Variants in TENM3 observed in about 807,000 individuals in gnomAD.
TENM3 encodes the protein teneurin-3.
In TENM3, 63 loss-of-function variants were observed where a neutral mutation model predicts 255.1. The ratio of observed to expected loss-of-function variants is 0.25; its 90% CI spans 0.20 to 0.30. The LOEUF (loss-of-function observed/expected upper bound fraction) is 0.30, where lower values mean the gene tolerates loss of function less well. Among genes scored for constraint, TENM3 ranks in the 10% least tolerant of loss-of-function variants. The pLI, the probability that TENM3 is intolerant of heterozygous loss-of-function variation, is 1.00. For synonymous variants in TENM3, 1,306 were observed against 1,322.3 expected, an observed-to-expected ratio of 0.99 and a Z score of 0.27; for missense variants, 2,929 against 3,461.1, an observed-to-expected ratio of 0.85 and a Z score of 3.86.
the TENM3 span, among the ~76,000 whole-genome samples, chr4:182,114,395 T>G: frequency 3.9e-5 from 6 of 152,068 alleles, no homozygotes; most frequent in Non-Finnish European, 8.8e-5. Flanking sequence ...CTCCTCTTCC[T>G]CCTCCTCCTT....
At chr4:182,162,703 T>C (rs1751437732) in intron 1 of TENM3, among the ~76,000 whole-genome samples, 1 of 152,210 alleles carries the variant, frequency 6.6e-6, no homozygotes, top group Admixed American at 6.5e-5. Context: ...CTTGCTCTGC[T>C]TCTGAGATGT....
At chr4:182,417,266 G>A (rs567923487) in intron 3 of TENM3, among the ~76,000 whole-genome samples, 287 of 152,080 alleles carry the variant, frequency 1.9e-3, no homozygotes, top group African/African-American at 6.6e-3. Flanking sequence ...GTGAGCCACC[G>A]AGCCCGGCCT....
the TENM3 span, among the ~76,000 whole-genome samples, chr4:181,885,641 G>A: frequency 6.6e-6 from 1 of 152,054 alleles, no homozygotes; most frequent in Non-Finnish European, 1.5e-5. Flanking sequence ...CACTCCCATA[G>A]CTACATGTTC....
rs1766216035 is a variant in TENM3 at position 182,792,903 on chromosome 4, T to C, written c.6231T>C (p.Tyr2077=). Residue 2077 remains tyrosine (Y), a synonymous_variant, in exon 26 of 28, where the codon TAT becomes TAC. Coordinates refer to ENST00000511685, the MANE Select transcript of TENM3 (RefSeq NM_001080477.4). This position sits in a 1 kb window ranked among gnomAD's most constrained non-coding sequence, Gnocchi z 6.3. Reference sequence around the variant, plus strand: ...TCATTTCTACAGCTGTAATGACCTATACGAAGCACTTTGATGCTCATGGCC... The same window carrying C: ...TCATTTCTACAGCTGTAATGACCTACACGAAGCACTTTGATGCTCATGGCC... ...NQIISTAVMT[Y]TKHFDAHGRI... is the part of the protein sequence containing the mutation. The C allele has an allele frequency of 6.2e-7, 1 of 1,613,952 alleles. No individual in the cohort carries two copies. The highest frequency in any genetic ancestry group is 1.3e-5 in the African/African-American group (1 of 75,052).
chr4:182,295,261 CTTTTTTTTTTTT>C (rs752005972), intron 1 of TENM3, among the ~76,000 whole-genome samples: 1,476 of 70,508 alleles, frequency 0.021, 47 homozygotes, highest in African/African-American at 0.093. Context: ...CTTTGCTTTT[CTTTTTTTTTTTT>C]TTTTTTTTTT....
At chr4:182,529,657 T>G (rs1739576046) in intron 3 of TENM3, among the ~76,000 whole-genome samples, 1 of 152,168 alleles carries the variant, frequency 6.6e-6, no homozygotes, top group South Asian at 2.1e-4. Flanking sequence ...CACTCCTTTT[T>G]CCTATCCATC....
At chr4:181,867,922 T>C in the TENM3 span, among the ~76,000 whole-genome samples, 1 of 152,140 alleles carries the variant, frequency 6.6e-6, no homozygotes, top group Non-Finnish European at 1.5e-5. Flanking sequence ...TTAATAAAAA[T>C]TGTAGATGTT....
At chr4:181,982,161 G>A in the TENM3 span, among the ~76,000 whole-genome samples, 1 of 152,156 alleles carries the variant, frequency 6.6e-6, no homozygotes, top group African/African-American at 2.4e-5. Context: ...TATCAGAGAA[G>A]TAATAGCAAA....
At chr4:182,561,164 A>G (rs1165934616) in intron 3 of TENM3, among the ~76,000 whole-genome samples, 1 of 152,042 alleles carries the variant, frequency 6.6e-6, no homozygotes, top group African/African-American at 2.4e-5. Flanking sequence ...ACAAACTAAG[A>G]CTCAAAACAT....
At chr4:182,338,886 G>T (rs1052627540) in intron 2 of TENM3, among the ~76,000 whole-genome samples, 2 of 152,280 alleles carry the variant, frequency 1.3e-5, no homozygotes, top group Middle Eastern at 3.4e-3. Flanking sequence ...TAATTTTAAA[G>T]ACTGAGATTT....
chr4:182,547,737 A>G (rs978009328), intron 3 of TENM3, among the ~76,000 whole-genome samples: 14 of 152,182 alleles, frequency 9.2e-5, no homozygotes, highest in African/African-American at 1.2e-4. Context: ...TGACTAAACT[A>G]TCTTTTTGTG....
intron 1 of TENM3, among the ~76,000 whole-genome samples, chr4:182,273,434 G>A (rs1187923582): frequency 6.6e-6 from 1 of 152,106 alleles, no homozygotes; most frequent in Admixed American, 6.5e-5. Context: ...AATTCACTTG[G>A]GGGAATTCAC....
Position 182,754,786 on chromosome 4 carries a change from C to T in TENM3, c.4419C>T (p.Ala1473=). ...DGYAKDAKLS[A]PSSLAASPDG... ...ACGCCAAGGATGCCAAACTCAGTGC[C>T]CCATCCTCCCTGGCTGCTTCTCCAG... Residue 1473 remains alanine (A), a synonymous_variant, in exon 22 of 28, where the codon GCC becomes GCT. Transcript: ENST00000511685. This position sits in a 1 kb window ranked among gnomAD's most constrained non-coding sequence, Gnocchi z 5.1. 1 of 1,614,060 alleles carries T rather than the reference C, an allele frequency of 6.2e-7. No individual in the cohort carries two copies. The highest frequency in any genetic ancestry group is 8.5e-7 in the Non-Finnish European group (1 of 1,179,904).
intron 3 of TENM3, among the ~76,000 whole-genome samples, chr4:182,532,401 G>A (rs1739863537): frequency 6.6e-6 from 1 of 152,156 alleles, no homozygotes; most frequent in Admixed American, 6.5e-5. Context: ...AACAAGAGTT[G>A]TTTTATTATT....
At chr4:182,571,152 C>T (rs989846316) in intron 3 of TENM3, among the ~76,000 whole-genome samples, 1 of 152,140 alleles carries the variant, frequency 6.6e-6, no homozygotes, top group Non-Finnish European at 1.5e-5. Context: ...CTGTCTTAGA[C>T]GTGTAAAGGC....
chr4:182,079,871 C>T, the TENM3 span: 1 of 152,332 alleles, frequency 6.6e-6, no homozygotes, highest in Non-Finnish European at 1.5e-5. Flanking sequence ...ACCTTTTACC[C>T]TCAGGCTGAG....
the TENM3 span, among the ~76,000 whole-genome samples, chr4:181,796,826 T>C: frequency 6.6e-6 from 1 of 152,150 alleles, no homozygotes; most frequent in Non-Finnish European, 1.5e-5. Flanking sequence ...CAAAGGGTGG[T>C]GTTGCATCAC....
intron 3 of TENM3, among the ~76,000 whole-genome samples, chr4:182,571,178 GA>G (rs1391929865): frequency 6.6e-6 from 1 of 152,156 alleles, no homozygotes; most frequent in Non-Finnish European, 1.5e-5. Flanking sequence ...CTATGAAGAT[GA>G]GGCTGTATTA....
At chr4:182,139,956 C>T (rs1313571359), upstream of TENM3, among the ~76,000 whole-genome samples, 1 of 152,224 alleles carries the variant, frequency 6.6e-6, no homozygotes, top group Non-Finnish European at 1.5e-5. Flanking sequence ...AGAGGCTTAT[C>T]TTGCTTTAAT....
Sources: allele counts gnomAD v4.1 joint callset (sites outside exome capture counted in the v4.1 genomes callset), GRCh38; gene constraint gnomAD v4.1.1; non-coding constraint Gnocchi (gnomAD v3.1); transcripts MANE v1.5; gene names NCBI Gene and HGNC (gene_info 2026-07-23, HGNC 2026-07-21).